FGF12: variants seen among roughly 807,000 people sequenced by gnomAD.
FGF12 encodes the protein fibroblast growth factor 12B.
FGF12 carries 14 observed loss-of-function variants against 23.6 expected under a neutral mutation model. The observed-to-expected ratio is 0.59, with a 90% CI of 0.39 to 0.93. FGF12 has a LOEUF of 0.93. Ranked by LOEUF, FGF12 falls within the 40% of genes least tolerant of loss-of-function variation. FGF12 has a pLI of 0.00. For synonymous variants in FGF12, 62 were observed against 77.3 expected (o/e 0.80, Z 1.04); for missense variants, 175 against 217.8 (o/e 0.80, Z 1.24).
chr3:192,484,652 A>G (rs1040235253), intron 2 of FGF12, among the ~76,000 whole-genome samples: 21 of 152,172 alleles, frequency 1.4e-4, no homozygotes, highest in Non-Finnish European at 5.9e-5. Context: ...CTGGGTGAAA[A>G]GAGAGGACAG....
intron 5 of FGF12, among the ~76,000 whole-genome samples, chr3:192,158,817 A>G (rs1022633151): frequency 1.3e-5 from 2 of 151,830 alleles, no homozygotes; most frequent in African/African-American, 4.8e-5. Context: ...AAATGTTTTC[A>G]TGGCAAAAAT....
chr3:192,339,380 T>A (rs1717581512), intron 3 of FGF12, among the ~76,000 whole-genome samples: 1 of 152,190 alleles, frequency 6.6e-6, no homozygotes, highest in African/African-American at 2.4e-5. Context: ...ACCCACTCTT[T>A]AAGTCCCTTG....
chr3:192,702,396 T>G (rs1041642646), intron 2 of FGF12, among the ~76,000 whole-genome samples: 1 of 152,180 alleles, frequency 6.6e-6, no homozygotes, highest in African/African-American at 2.4e-5. Flanking sequence ...AAATTCACCT[T>G]GAAAATATAC....
chr3:192,599,131 G>A (rs1486607581), intron 2 of FGF12, among the ~76,000 whole-genome samples: 1 of 151,932 alleles, frequency 6.6e-6, no homozygotes, highest in African/African-American at 2.4e-5. Flanking sequence ...ACTAGGAGAT[G>A]GATAGCATTA....
In FGF12 at chr3:192,525,575, A is replaced by G. The variant is rs1264470817; in HGVS notation, c.14-165037T>C. Among the ~76,000 whole-genome samples, 5 of 152,190 alleles carry G rather than the reference A, an allele frequency of 3.3e-5. No individual in the cohort carries two copies. In the East Asian group the frequency reaches 7.7e-4, roughly 23 times the overall value. ...TTACAAAAATATTCCAACTGCCTTCAATTTAGCCTCCATACTGCCAAAATA... is the reference window on the plus strand; with the variant it reads ...TTACAAAAATATTCCAACTGCCTTCGATTTAGCCTCCATACTGCCAAAATA... On this transcript the variant is annotated intron_variant, in intron 2 of 5. Transcript: ENST00000445105.
chr3:192,466,178 G>A (rs59298946), intron 2 of FGF12, among the ~76,000 whole-genome samples: 3 of 152,154 alleles, frequency 2.0e-5, no homozygotes, highest in Admixed American at 2.0e-4. Flanking sequence ...GTAAGTATTA[G>A]TGTATCTAAA....
chr3:192,710,533 T>A (rs1718628614), intron 2 of FGF12, among the ~76,000 whole-genome samples: 1 of 152,204 alleles, frequency 6.6e-6, no homozygotes, highest in Non-Finnish European at 1.5e-5. Flanking sequence ...AAGTCAGCAG[T>A]GGAGAAAGCC....
chr3:192,243,184 C>A (rs927212178), intron 4 of FGF12, among the ~76,000 whole-genome samples: 13 of 151,782 alleles, frequency 8.6e-5, no homozygotes, highest in African/African-American at 2.4e-4. Context: ...AAATAAAATA[C>A]CAAAAGAAAA....
chr3:192,711,235 G>A (rs1718656213), intron 2 of FGF12, among the ~76,000 whole-genome samples: 2 of 145,244 alleles, frequency 1.4e-5, no homozygotes, highest in African/African-American at 5.7e-5. Flanking sequence ...CGTCCGGGAG[G>A]GAGGTGGGGG....
intron 2 of FGF12, among the ~76,000 whole-genome samples, chr3:192,489,362 C>T (rs1289030966): frequency 6.6e-6 from 1 of 151,838 alleles, no homozygotes. Context: ...AACCCATGCC[C>T]CTAATTCATT....
intron 4 of FGF12, among the ~76,000 whole-genome samples, chr3:192,235,806 C>G (rs1024062807): frequency 6.6e-6 from 1 of 152,188 alleles, no homozygotes; most frequent in Non-Finnish European, 1.5e-5. Flanking sequence ...TTCAAAGAAC[C>G]AGCTTTTGGG....
At chr3:192,324,438 T>C (rs997778363) in intron 4 of FGF12, among the ~76,000 whole-genome samples, 75 of 152,344 alleles carry the variant, frequency 4.9e-4, no homozygotes, top group African/African-American at 1.5e-3. Context: ...CTACTGCTGC[T>C]ACTGTTACTG....
At chr3:192,440,137 G>A (rs1195829926) in intron 2 of FGF12, among the ~76,000 whole-genome samples, 1 of 152,074 alleles carries the variant, frequency 6.6e-6, no homozygotes, top group Non-Finnish European at 1.5e-5. Flanking sequence ...ATGTGAAAGA[G>A]TGTAAAGGAT....
intron 2 of FGF12, among the ~76,000 whole-genome samples, chr3:192,374,278 C>G (rs1277848319): frequency 2.0e-5 from 3 of 152,200 alleles, no homozygotes; most frequent in African/African-American, 7.2e-5. Context: ...AATTGAAACT[C>G]TTCCCAAGTA....
intron 2 of FGF12, among the ~76,000 whole-genome samples, chr3:192,680,402 C>T (rs554067143): frequency 7.2e-5 from 11 of 152,270 alleles, no homozygotes; most frequent in African/African-American, 2.6e-4. Context: ...ATAAACCCAA[C>T]GGACTCCAGC....
At chr3:192,457,330 T>C (rs766550297) in intron 2 of FGF12, among the ~76,000 whole-genome samples, 1 of 152,112 alleles carries the variant, frequency 6.6e-6, no homozygotes, top group Non-Finnish European at 1.5e-5. Context: ...CTGGAACACT[T>C]TGTAGGGTTC....
chr3:192,353,322 C>CT (rs1175951701), intron 3 of FGF12, among the ~76,000 whole-genome samples: 1 of 126,762 alleles, frequency 7.9e-6, no homozygotes, highest in Non-Finnish European at 1.5e-5. Flanking sequence ...TTTCAAATGA[C>CT]TCGTTTTGCT....
At chr3:192,351,146 T>A (rs997508499) in intron 3 of FGF12, among the ~76,000 whole-genome samples, 3 of 152,240 alleles carry the variant, frequency 2.0e-5, no homozygotes, top group African/African-American at 7.2e-5. Flanking sequence ...TTTCCCATTT[T>A]TCAAAGGTGA....
chr3:192,266,926 C>T (rs1713115122), intron 4 of FGF12: 1 of 152,018 alleles, frequency 6.6e-6, no homozygotes, highest in African/African-American at 2.4e-5. Flanking sequence ...TCAAAAAGCT[C>T]TTATTAAAGT....
Sources: gnomAD v4.1 joint callset for allele counts (sites outside exome capture counted in the v4.1 genomes callset) on GRCh38, gnomAD v4.1.1 for gene constraint, MANE v1.5 for transcripts, NCBI Gene and HGNC (gene_info 2026-07-23, HGNC 2026-07-21) for gene names.